Variants in WWOX observed in about 807,000 individuals in gnomAD.
WWOX encodes WW domain-containing oxidoreductase.
A neutral mutation model predicts 46.2 loss-of-function variants in WWOX; 69 were observed. That is an observed-to-expected ratio of 1.49 (90% confidence interval 1.23 to 1.82). The LOEUF is 1.82. Ranked by LOEUF, WWOX falls within the 40% of genes most tolerant of loss-of-function variation. WWOX has a pLI of 0.00. For synonymous variants in WWOX, 359 were observed against 202.6 expected (o/e 1.77, Z -6.56); for missense variants, 919 against 542.6 (o/e 1.69, Z -6.89).
At chr16:78,628,316 C>G (rs926607444) in intron 8 of WWOX, among the ~76,000 whole-genome samples, 2 of 152,130 alleles carry the variant, frequency 1.3e-5, no homozygotes, top group African/African-American at 4.8e-5. Context: ...TTCAGTGTTT[C>G]AGAATCTCAG....
At chr16:78,533,800 A>G (rs927224701) in intron 8 of WWOX, among the ~76,000 whole-genome samples, 2 of 152,192 alleles carry the variant, frequency 1.3e-5, no homozygotes, top group Non-Finnish European at 2.9e-5. Flanking sequence ...ATGCGTCCTC[A>G]GAACTCGCTG....
At chr16:78,407,970 G>T (rs1662969665) in intron 6 of WWOX, among the ~76,000 whole-genome samples, 1 of 152,150 alleles carries the variant, frequency 6.6e-6, no homozygotes, top group Non-Finnish European at 1.5e-5. Flanking sequence ...AGCAAAATTG[G>T]AAGCCAAGTC....
At chr16:78,206,382 G>GA (rs932971043) in intron 5 of WWOX, among the ~76,000 whole-genome samples, 4 of 151,310 alleles carry the variant, frequency 2.6e-5, no homozygotes, top group Admixed American at 6.6e-5. Flanking sequence ...GAATTAGAAG[G>GA]AAAAAAAAGG....
At chr16:78,365,247 A>G (rs1234523545) in intron 5 of WWOX, among the ~76,000 whole-genome samples, 1 of 152,168 alleles carries the variant, frequency 6.6e-6, no homozygotes, top group African/African-American at 2.4e-5. Context: ...TGACATTATC[A>G]GTGTGATTGT....
intron 8 of WWOX, among the ~76,000 whole-genome samples, chr16:78,642,212 T>C (rs1461171547): frequency 6.6e-6 from 1 of 152,178 alleles, no homozygotes; most frequent in East Asian, 1.9e-4. Context: ...ATCCATTCTA[T>C]AGCATCCCAT....
intron 8 of WWOX, among the ~76,000 whole-genome samples, chr16:78,990,079 G>T (rs530739815): frequency 6.6e-6 from 1 of 151,660 alleles, no homozygotes; most frequent in South Asian, 2.1e-4. Flanking sequence ...AGCTACTCGG[G>T]AGGCTGAAGT....
At chr16:78,632,838 G>C (rs1010462705) in intron 8 of WWOX, among the ~76,000 whole-genome samples, 14 of 152,008 alleles carry the variant, frequency 9.2e-5, no homozygotes, top group African/African-American at 3.4e-4. Context: ...GGTTGCAGCT[G>C]TGAGCCACTG....
intron 8 of WWOX, among the ~76,000 whole-genome samples, chr16:78,798,120 T>C (rs939125791): frequency 6.6e-6 from 1 of 152,160 alleles, no homozygotes; most frequent in African/African-American, 2.4e-5. Context: ...TCATGTTATA[T>C]AGGGAGCAAA....
intron 8 of WWOX, among the ~76,000 whole-genome samples, chr16:78,842,495 C>A (rs1055379447): frequency 3.5e-5 from 3 of 85,494 alleles, no homozygotes; most frequent in African/African-American, 1.2e-4. Flanking sequence ...AAAGTGACAC[C>A]CTGTTTCGAA....
At chr16:79,090,928 G>T (rs2048947008) in intron 8 of WWOX, among the ~76,000 whole-genome samples, 1 of 152,142 alleles carries the variant, frequency 6.6e-6, no homozygotes, top group Non-Finnish European at 1.5e-5. Context: ...CAAGAAGTTG[G>T]GACTACAGGC....
At chr16:78,702,007 T>TTACATATATATATATATATA (rs1491150899) in intron 8 of WWOX, among the ~76,000 whole-genome samples, 8 of 57,626 alleles carry the variant, frequency 1.4e-4, no homozygotes, top group African/African-American at 4.6e-4. Context: ...CTACATAAAA[T>TTACATATATATATATATATA]TATATATATA....
intron 5 of WWOX, among the ~76,000 whole-genome samples, chr16:78,299,847 C>G (rs1469853277): frequency 6.6e-6 from 1 of 151,996 alleles, no homozygotes. Flanking sequence ...TATTTCTTGT[C>G]AAGCAGGACA....
chr16:78,387,193 A>G (rs887346172), intron 6 of WWOX, among the ~76,000 whole-genome samples: 1 of 152,246 alleles, frequency 6.6e-6, no homozygotes, highest in Non-Finnish European at 1.5e-5. Flanking sequence ...CTATTAAAGC[A>G]CTAGTAAAAG....
intron 8 of WWOX, among the ~76,000 whole-genome samples, chr16:78,460,061 C>T (rs1217150362): frequency 3.3e-5 from 5 of 152,050 alleles, no homozygotes; most frequent in Non-Finnish European, 7.4e-5. Flanking sequence ...CCCACCTCGG[C>T]CTCCCAAAGT....
intron 8 of WWOX, among the ~76,000 whole-genome samples, chr16:78,748,557 AG>A (rs2049403077): frequency 6.6e-6 from 1 of 152,130 alleles, no homozygotes; most frequent in Non-Finnish European, 1.5e-5. Flanking sequence ...TTACCATTGG[AG>A]ACCTCAGCTC....
intron 5 of WWOX, among the ~76,000 whole-genome samples, chr16:78,245,506 G>T (rs921629878): frequency 6.6e-6 from 1 of 152,206 alleles, no homozygotes; most frequent in Non-Finnish European, 1.5e-5. Flanking sequence ...CTTGAGCTTG[G>T]CTTCAGAGCC....
At chr16:78,929,665 C>G (rs986533516) in intron 8 of WWOX, among the ~76,000 whole-genome samples, 9 of 152,068 alleles carry the variant, frequency 5.9e-5, no homozygotes, top group Non-Finnish European at 1.2e-4. Flanking sequence ...TAAAGACCCG[C>G]GTGGACTGCA....
At chr16:79,169,357 A>C (rs1158195888) in intron 8 of WWOX, among the ~76,000 whole-genome samples, 1 of 152,184 alleles carries the variant, frequency 6.6e-6, no homozygotes, top group Non-Finnish European at 1.5e-5. Context: ...CATAAACCAC[A>C]ACAACTGCGT....
intron 8 of WWOX, among the ~76,000 whole-genome samples, chr16:79,124,417 C>G (rs1191011649): frequency 6.6e-6 from 1 of 152,090 alleles, no homozygotes; most frequent in Non-Finnish European, 1.5e-5. Flanking sequence ...TTTTAAAATA[C>G]AACCGAGGTT....
Sources: gnomAD v4.1 joint callset for allele counts (sites outside exome capture counted in the v4.1 genomes callset) on GRCh38, gnomAD v4.1.1 for gene constraint, MANE v1.5 for transcripts, NCBI Gene and HGNC (gene_info 2026-07-23, HGNC 2026-07-21) for gene names.